The following CCDC192 variants were observed in gnomAD, a reference collection of about 807,000 sequenced individuals.
CCDC192 encodes coiled-coil domain containing 192, also known as coiled-coil domain-containing protein 192.
At chr5:127,704,888 A>G (rs1750876425) in intron 1 of CCDC192, among the ~76,000 whole-genome samples, 1 of 151,066 alleles carries the variant, frequency 6.6e-6, no homozygotes, top group African/African-American at 2.4e-5. Context: ...TAAATAAATC[A>G]TTTATTCACC....
intron 2 of CCDC192, among the ~76,000 whole-genome samples, chr5:127,717,928 CAA>C: frequency 0.068 from 6,654 of 98,122 alleles, 247 homozygotes; most frequent in East Asian, 0.28. Context: ...TAAAGCTAGA[CAA>C]AAAAAAAAAA....
At chr5:127,904,325 A>G (rs1023951628) in intron 6 of CCDC192, among the ~76,000 whole-genome samples, 8 of 152,112 alleles carry the variant, frequency 5.3e-5, no homozygotes, top group Admixed American at 2.0e-4. Flanking sequence ...AAGGTAATGA[A>G]TGTGTGTTGT....
chr5:127,884,342 C>CAAAAAAAAAAAAAAAA (rs778430655), intron 6 of CCDC192, among the ~76,000 whole-genome samples: 3 of 11,852 alleles, frequency 2.5e-4, no homozygotes, highest in African/African-American at 4.4e-4. Context: ...GACTCCGTCT[C>CAAAAAAAAAAAAAAAA]AAAAAAAAAA....
chr5:127,894,728 C>G (rs1161429638), intron 6 of CCDC192, among the ~76,000 whole-genome samples: 1 of 152,112 alleles, frequency 6.6e-6, no homozygotes, highest in Non-Finnish European at 1.5e-5. Flanking sequence ...AATATAAGAT[C>G]TAAATAGCTG....
At chr5:127,852,696 C>G (rs1451654753) in intron 5 of CCDC192, among the ~76,000 whole-genome samples, 2 of 152,184 alleles carry the variant, frequency 1.3e-5, no homozygotes, top group African/African-American at 2.4e-5. Flanking sequence ...ACTAAAGATG[C>G]CTGGTGGTCC....
chr5:127,833,011 AT>A (rs1483756964), intron 5 of CCDC192, among the ~76,000 whole-genome samples: 1 of 152,196 alleles, frequency 6.6e-6, no homozygotes, highest in Non-Finnish European at 1.5e-5. Flanking sequence ...GAAAAATTTA[AT>A]CGTGGCCACA....
At chr5:127,862,648 C>T (rs963760103) in intron 5 of CCDC192, among the ~76,000 whole-genome samples, 3 of 152,100 alleles carry the variant, frequency 2.0e-5, no homozygotes, top group Non-Finnish European at 4.4e-5. Flanking sequence ...ATAGGGGAAA[C>T]CTTAGCACCT....
At chr5:127,860,304 T>C (rs1751300854) in intron 5 of CCDC192, among the ~76,000 whole-genome samples, 1 of 152,226 alleles carries the variant, frequency 6.6e-6, no homozygotes, top group Non-Finnish European at 1.5e-5. Flanking sequence ...TAGAACTAAA[T>C]TATTGAGAAT....
rs374558421 is a variant in CCDC192, at chr5:127,828,776, G to C, written c.411+30614G>C. Among the ~76,000 whole-genome samples, 51 of 152,220 alleles carry C rather than the reference G, an allele frequency of 3.4e-4. 1 individual carries two copies. The South Asian group carries it at 0.01, about 30-fold the overall frequency. ...TAGAGGTGAGAACATCAAGGAGAAG[G>C]GTATTATATTTAGTCCCTTGAAAAG... On this transcript the variant is annotated intron_variant, in intron 5 of 6. Transcript: ENST00000514853.
chr5:127,877,666 C>T (rs1355346489), intron 6 of CCDC192, among the ~76,000 whole-genome samples: 1 of 84,604 alleles, frequency 1.2e-5, no homozygotes, highest in Admixed American at 1.1e-4. Flanking sequence ...AACTGGCATT[C>T]TCAGAAATCT....
At chr5:127,706,149 G>A (rs1316810387) in intron 1 of CCDC192, among the ~76,000 whole-genome samples, 2 of 146,168 alleles carry the variant, frequency 1.4e-5, no homozygotes, top group Non-Finnish European at 3.0e-5. Context: ...AGAGAGACAT[G>A]TGCACAGAAA....
intron 2 of CCDC192, among the ~76,000 whole-genome samples, chr5:127,721,455 A>G (rs1752016509): frequency 1.3e-5 from 2 of 152,184 alleles, no homozygotes; most frequent in Non-Finnish European, 2.9e-5. Flanking sequence ...GCCTGACTTC[A>G]TTGTCTATAT....
At chr5:127,924,938 A>G (rs903802959) in intron 6 of CCDC192, among the ~76,000 whole-genome samples, 4 of 152,142 alleles carry the variant, frequency 2.6e-5, no homozygotes, top group African/African-American at 9.7e-5. Flanking sequence ...GAAGCTATGG[A>G]AAAAAAATCA....
intron 6 of CCDC192, among the ~76,000 whole-genome samples, chr5:127,909,499 T>C (rs1041263691): frequency 6.6e-6 from 1 of 152,042 alleles, no homozygotes; most frequent in Admixed American, 6.6e-5. Context: ...ACTTTTCCTA[T>C]TTTTAACATG....
At chr5:127,776,395 C>T (rs1172417564) in intron 3 of CCDC192, among the ~76,000 whole-genome samples, 2 of 152,086 alleles carry the variant, frequency 1.3e-5, no homozygotes, top group East Asian at 3.9e-4. Flanking sequence ...TTCTAAGCGG[C>T]AAAGTGTTAA....
At chr5:127,734,780 T>A (rs1269669406) in intron 2 of CCDC192, among the ~76,000 whole-genome samples, 1 of 151,364 alleles carries the variant, frequency 6.6e-6, no homozygotes, top group Non-Finnish European at 1.5e-5. Flanking sequence ...GGTTGTTTGT[T>A]TTTTTCTTGT....
At chr5:127,847,508 A>G (rs914021733) in intron 5 of CCDC192, among the ~76,000 whole-genome samples, 4 of 152,210 alleles carry the variant, frequency 2.6e-5, no homozygotes, top group African/African-American at 7.2e-5. Flanking sequence ...ATATAAACAG[A>G]TAAGATGTTT....
intron 6 of CCDC192, among the ~76,000 whole-genome samples, chr5:127,908,093 C>T (rs997500730): frequency 2.6e-5 from 4 of 152,194 alleles, no homozygotes; most frequent in Non-Finnish European, 5.9e-5. Context: ...TTATCGTGCT[C>T]ACCTGTAGAG....
At chr5:127,718,044 A>T (rs919283290) in intron 2 of CCDC192, among the ~76,000 whole-genome samples, 2 of 152,154 alleles carry the variant, frequency 1.3e-5, no homozygotes, top group African/African-American at 4.8e-5. Context: ...GTGCTATTTA[A>T]CTTGAGAGCA....
Sources: gnomAD v4.1 joint callset for allele counts (sites outside exome capture counted in the v4.1 genomes callset) on GRCh38, gnomAD v4.1.1 for gene constraint, MANE v1.5 for transcripts, NCBI Gene and HGNC (gene_info 2026-07-23, HGNC 2026-07-21) for gene names.